Variants in HERC1 observed in about 807,000 individuals in gnomAD.
HERC1 encodes HECT and RLD domain containing E3 ubiquitin protein ligase family member 1, also known as probable E3 ubiquitin-protein ligase HERC1.
A neutral mutation model predicts 554.3 loss-of-function variants in HERC1; 160 were observed. The observed-to-expected ratio is 0.29, with a 90% confidence interval of 0.25 to 0.33. The LOEUF is 0.33. HERC1 is among the 10% of genes least tolerant of loss of function. The pLI, the probability that HERC1 is intolerant of heterozygous loss-of-function variation, is 1.00. For missense variants in HERC1, 4,919 were observed against 5,918.5 expected (o/e 0.83, Z 5.54); for synonymous variants, 2,175 against 2,131.7 (o/e 1.02, Z -0.56).
intron 22 of HERC1, 149 bp downstream of exon 22, chr15:63,716,151 CCT>C: frequency 1.5e-6 from 1 of 667,604 alleles, no homozygotes; most frequent in Non-Finnish European, 2.5e-6. Flanking sequence ...TGTAGGAGCC[CCT>C]GTCAGCTAAT....
intron 74 of HERC1, among the ~76,000 whole-genome samples, chr15:63,617,855 TG>T (rs2152736692): frequency 6.6e-6 from 1 of 152,330 alleles, no homozygotes; most frequent in East Asian, 1.9e-4. Context: ...TTGATGGGGT[TG>T]TTTTTTTCTT....
At chr15:63,675,218 C>T in intron 37 of HERC1, 101 bp from the exon 38 acceptor site, 1 of 895,282 alleles carries the variant, frequency 1.1e-6, no homozygotes, top group East Asian at 2.5e-5. Context: ...ATCATGTACA[C>T]AATACAGAGA....
chr15:63,687,796 G>A (rs1044557914), intron 33 of HERC1, among the ~76,000 whole-genome samples: 4 of 152,188 alleles, frequency 2.6e-5, no homozygotes, highest in Admixed American at 2.0e-4. Context: ...GATTAGGGAA[G>A]GCCTCTCTGA....
chr15:63,647,472 CA>C, intron 55 of HERC1, among the ~76,000 whole-genome samples: 1 of 152,176 alleles, frequency 6.6e-6, no homozygotes, highest in Non-Finnish European at 1.5e-5. Flanking sequence ...CCAGAACTAC[CA>C]TTTGATCCAG....
chr15:63,784,748 T>A (rs543727452), intron 1 of HERC1, among the ~76,000 whole-genome samples: 2 of 152,190 alleles, frequency 1.3e-5, no homozygotes, highest in African/African-American at 4.8e-5. Flanking sequence ...ACTGGGACTA[T>A]AGGTGGCTGC....
rs1465597633 is a variant in HERC1, at chr15:63,727,702, T to A, written c.3291A>T (p.Arg1097Ser). 1 of 1,613,290 alleles carries A rather than the reference T, an allele frequency of 6.2e-7. No individual in the cohort carries two copies. Among genetic ancestry groups the A allele is most frequent in the East Asian group, 2.2e-5 (1 of 44,846 alleles). ...DLLPPLDCLN[R>S]LLPAADLLED... is the part of the protein sequence containing the mutation. ...CTAAAAGATCAGCAGCTGGCAGGAGTCTATTAAGGCAATCAAGAGGTGGCA... is the reference window on the plus strand; with the variant it reads ...CTAAAAGATCAGCAGCTGGCAGGAGACTATTAAGGCAATCAAGAGGTGGCA... The change falls in exon 17 of 78, where the codon AGA becomes AGT. Residue 1097 changes from arginine to serine, a missense_variant. This residue lies in a region of HERC1 where 1,121 missense variants were observed against 1,244.0 expected (regional missense o/e 0.90). Coordinates refer to ENST00000443617, the MANE Select transcript of HERC1 (RefSeq NM_003922.4). The surrounding 1 kb of genome is among the most constrained non-coding windows in gnomAD (Gnocchi z 4.3).
intron 67 of HERC1, 76 bp downstream of exon 67, chr15:63,633,772 C>T: frequency 1.4e-6 from 2 of 1,442,268 alleles, no homozygotes; most frequent in Non-Finnish European, 1.9e-6. Flanking sequence ...TAAATTATTT[C>T]CAACTAATAA....
At position 63,804,805 on chromosome 15, in the gene HERC1, T is replaced by C. The variant is rs567418263; in HGVS notation, c.-27+29022A>G. Among the ~76,000 whole-genome samples the C allele has an allele frequency of 2.6e-5, 4 of 152,210 alleles. No individual in the cohort carries two copies. In the South Asian group the frequency reaches 6.2e-4, roughly 24 times the overall value. ...AAATATCTGGACACTTCACCAAAGA[T>C]ACATAAACAGCCAAAAAAGCGCATG... is the stretch of plus-strand genomic sequence containing the variant. On this transcript the variant is annotated intron_variant, in intron 1 of 77. Transcript: ENST00000443617.
In HERC1 at chr15:63,733,063, T is replaced by G; in HGVS notation, c.2729A>C (p.Asp910Ala). The change falls in exon 14 of 78, where the codon GAT (aspartate) becomes GCT (alanine). Residue 910 changes from aspartate (D) to alanine (A), a missense_variant. Physicochemically the swap from Asp to Ala is moderately radical, Grantham distance 126. This residue lies in a region of HERC1 where 744 missense variants were observed against 1,090.0 expected (regional missense o/e 0.68). Coordinates refer to ENST00000443617, the MANE Select transcript of HERC1 (RefSeq NM_003922.4). ...ACACACAGAAGATAGGTCAGCAGCA[T>G]CAGAGGGTGAACTATAGCCAAGTAG... is the stretch of plus-strand genomic sequence containing the variant. ...ASLLGYSSPSDAADLSSVCTG... is the reference protein window; with the variant it reads ...ASLLGYSSPSAAADLSSVCTG... The G allele has an allele frequency of 6.2e-7, 1 of 1,613,876 alleles. No individual in the cohort carries two copies. The highest frequency in any genetic ancestry group is 8.5e-7 in the Non-Finnish European group (1 of 1,179,776).
intron 64 of HERC1, 22 bp from the exon 65 acceptor site, chr15:63,636,164 A>G (rs2068767703): frequency 6.2e-7 from 1 of 1,603,268 alleles, no homozygotes. Flanking sequence ...CAGAAACCCA[A>G]CAGGAGTCAC....
chr15:63,661,702 A>AGG, intron 45 of HERC1, 51 bp downstream of exon 45: 1 of 1,568,734 alleles, frequency 6.4e-7, no homozygotes, highest in Non-Finnish European at 8.7e-7. Flanking sequence ...CCAAGACTTA[A>AGG]GGTATGAGGT....
intron 43 of HERC1, among the ~76,000 whole-genome samples, chr15:63,663,994 C>A (rs759378457): frequency 1.3e-5 from 2 of 151,998 alleles, no homozygotes; most frequent in Non-Finnish European, 2.9e-5. Flanking sequence ...TTTTACATGC[C>A]CAGAACGTAA....
rs781000414 is a variant in HERC1, at chr15:63,712,730, C to A, written c.4584+45G>T. On this transcript the variant is annotated intron_variant, in intron 24 of 77. Transcript: ENST00000443617. ...TAACCAAAGCCTTACATATCATATA[C>A]CTTGAAAACAAAAATCTTTCTTTAC... The A allele has an allele frequency of 5.7e-6, 9 of 1,588,290 alleles. No individual in the cohort carries two copies. The South Asian group carries it at 1.0e-4, about 18-fold the overall frequency.
In HERC1 at chr15:63,666,481, A is replaced by T. The variant is rs1040161768; in HGVS notation, c.8207-9T>A. On this transcript the variant is annotated splice_polypyrimidine_tract_variant and intron_variant, in intron 40 of 77. Coordinates refer to ENST00000443617, the MANE Select transcript of HERC1 (RefSeq NM_003922.4). ...GCTTGGGTCTGACAAGGCTGAGACA[A>T]AAGGAAGAGAAATAAGAACCTAAAT... 1 of 1,538,090 alleles carries T rather than the reference A, an allele frequency of 6.5e-7. No individual in the cohort carries two copies. Among genetic ancestry groups the T allele is most frequent in the Non-Finnish European group, 8.9e-7 (1 of 1,120,510 alleles).
At chr15:63,624,049 C>T in intron 72 of HERC1, 109 bp downstream of exon 72, 1 of 1,258,882 alleles carries the variant, frequency 7.9e-7, no homozygotes, top group South Asian at 1.4e-5. Flanking sequence ...AGTACTATTA[C>T]TATCTACCCT....
intron 45 of HERC1, 67 bp downstream of exon 45, chr15:63,661,686 C>T (rs1418780626): frequency 5.3e-6 from 8 of 1,507,060 alleles, no homozygotes; most frequent in Non-Finnish European, 6.4e-6. Flanking sequence ...GAAAAATCTA[C>T]AGTTCCCAAG....
intron 14 of HERC1, 140 bp from the exon 15 acceptor site, chr15:63,729,789 G>C (rs559508588): frequency 1.4e-6 from 1 of 726,608 alleles, no homozygotes; most frequent in Non-Finnish European, 2.3e-6. Context: ...TTGGGAGTCC[G>C]AGGCAGGTAC....
In HERC1 at chr15:63,734,988, C is replaced by T. The variant is rs2074437893; in HGVS notation, c.2521-139G>A. On this transcript the variant is annotated intron_variant, in intron 12 of 77. Coordinates refer to ENST00000443617, the MANE Select transcript of HERC1 (RefSeq NM_003922.4). This position sits in a 1 kb window ranked among gnomAD's most constrained non-coding sequence, Gnocchi z 4.6. Reference sequence around the variant, plus strand: ...ATGATAAAAAAGAAAGCATGCAAGTCCTCCTTCAGATGTCTTTAAGAAGAC... The same window carrying T: ...ATGATAAAAAAGAAAGCATGCAAGTTCTCCTTCAGATGTCTTTAAGAAGAC... 1 of 689,424 alleles carries T rather than the reference C, an allele frequency of 1.5e-6. No individual in the cohort carries two copies. Among genetic ancestry groups the T allele is most frequent in the Non-Finnish European group, 2.4e-6 (1 of 424,558 alleles). 42.7% of individuals were successfully genotyped at this position (689,424 alleles called of 1,614,324 possible). A position where few individuals can be genotyped will look rare whatever the true frequency, so the allele number is the denominator to read the frequency against.
intron 1 of HERC1, among the ~76,000 whole-genome samples, chr15:63,825,130 A>C (rs2077849261): frequency 6.6e-6 from 1 of 152,112 alleles, no homozygotes; most frequent in Non-Finnish European, 1.5e-5. Context: ...CCAACTTGGC[A>C]AAACCCCATC....
Sources: gnomAD v4.1 joint callset for allele counts (sites outside exome capture counted in the v4.1 genomes callset) on GRCh38, gnomAD v4.1.1 for gene constraint, gnomAD v4.1.1 regional missense constraint, Gnocchi (gnomAD v3.1) non-coding constraint, MANE v1.5 for transcripts, NCBI Gene and HGNC (gene_info 2026-07-23, HGNC 2026-07-21) for gene names.